Variants in POLD3 observed in about 807,000 individuals in gnomAD.
The protein encoded by POLD3 is DNA polymerase delta 3, accessory subunit.
In POLD3, 19 loss-of-function variants were observed where a neutral mutation model predicts 58.2. That is an observed-to-expected ratio of 0.33 (90% CI 0.23 to 0.48). The LOEUF is 0.48. POLD3 is among the 20% of genes least tolerant of loss of function. The probability of loss-of-function intolerance (pLI) is 0.99; values close to 1 mark genes in which losing one functional copy is unlikely to be tolerated. For missense variants in POLD3, 504 were observed against 545.5 expected (o/e 0.92, Z 0.76); for synonymous variants, 172 against 193.5 (o/e 0.89, Z 0.92).
Position 74,634,568 on chromosome 11 carries a change from G to C in POLD3, c.1007-15G>C, listed in dbSNP as rs371669281. ...GCTTGTAGTTCTCTGATCTAAGTCC[G>C]TTTCATTATTTCAGTCTTTCCAGAC... On this transcript the variant is annotated splice_polypyrimidine_tract_variant and intron_variant, in intron 9 of 11. Transcript: ENST00000263681. The C allele has an allele frequency of 5.8e-6, 8 of 1,388,544 alleles. No homozygotes were observed. Among genetic ancestry groups the C allele is most frequent in the Non-Finnish European group, 8.2e-6 (8 of 974,614 alleles). 86.0% of individuals were successfully genotyped at this position (1,388,544 alleles called of 1,614,324 possible). A position where few individuals can be genotyped will look rare whatever the true frequency, so the allele number is the denominator to read the frequency against.
At chr11:74,665,158 A>G (rs1285775486) in intron 4 of POLD3, among the ~76,000 whole-genome samples, 2 of 149,964 alleles carry the variant, frequency 1.3e-5, no homozygotes, top group Non-Finnish European at 3.0e-5. Flanking sequence ...ATAAATAAAT[A>G]AAAATAAAAA....
At chr11:74,607,123 A>C (rs184086542) in intron 3 of POLD3, among the ~76,000 whole-genome samples, 17 of 152,134 alleles carry the variant, frequency 1.1e-4, no homozygotes, top group African/African-American at 4.1e-4. Flanking sequence ...ATTATTAAGC[A>C]ATATGATCAG....
intron 11 of POLD3, among the ~76,000 whole-genome samples, chr11:74,636,795 C>T (rs1374486907): frequency 6.6e-6 from 1 of 152,048 alleles, no homozygotes; most frequent in African/African-American, 2.4e-5. Flanking sequence ...TATGACTCAT[C>T]GAGATTGCTT....
At chr11:74,644,524 A>G (rs1591324156), downstream of POLD3, among the ~76,000 whole-genome samples, 1 of 152,218 alleles carries the variant, frequency 6.6e-6, no homozygotes, top group Non-Finnish European at 1.5e-5. Context: ...TCCCTGCTGC[A>G]TGACACTTTT....
intron 2 of POLD3, 151 bp from the exon 3 acceptor site, chr11:74,604,541 T>C: frequency 1.7e-6 from 1 of 587,782 alleles, no homozygotes; most frequent in South Asian, 2.1e-5. Context: ...CTTTTTTTTT[T>C]TCAACTGTCC....
At chr11:74,636,142 T>C in intron 10 of POLD3, 55 bp from the exon 11 acceptor site, 1 of 1,520,356 alleles carries the variant, frequency 6.6e-7, no homozygotes, top group South Asian at 1.2e-5. Context: ...GCTTTTGTTA[T>C]TTTTCTGTAT....
At chr11:74,607,528 A>AG (rs1391300517) in intron 3 of POLD3, among the ~76,000 whole-genome samples, 1 of 151,710 alleles carries the variant, frequency 6.6e-6, no homozygotes, top group Non-Finnish European at 1.5e-5. Flanking sequence ...GGCCTCCCAA[A>AG]GTGCTAGGAT....
rs1202426924 is a variant in POLD3, at chr11:74,665,391, A to ATTTTTTTTT, written c.370-3371_370-3363dup. On this transcript the variant is annotated intron_variant, in intron 4 of 4. Transcript: ENST00000524752. Reference sequence around the variant, plus strand: ...TGACAAAATCTAGCACCCTTTTATAATTTTTTTTTTTTTTTTTTTTTTTGA... The same window carrying ATTTTTTTTT: ...TGACAAAATCTAGCACCCTTTTATAATTTTTTTTTTTTTTTTTTTTTTTTTTTTTTTTGA... Among the ~76,000 whole-genome samples, 290 of 83,314 alleles carry ATTTTTTTTT rather than the reference A, an allele frequency of 3.5e-3. 11 individuals are homozygous for ATTTTTTTTT. The highest frequency in any genetic ancestry group is 0.014 in the African/African-American group (277 of 19,966). 54.7% of individuals were successfully genotyped at this position (83,314 alleles called of 152,430 possible).
rs1384672062 is a variant in POLD3 at position 74,592,620 on chromosome 11, G to T, written c.-39G>T. 1.9e-6 allele frequency: 3 copies of T among 1,611,554 alleles called. No individual in the cohort carries two copies. The South Asian group carries it at 3.3e-5, about 18-fold the overall frequency. On this transcript the variant is annotated 5_prime_UTR_variant, in exon 1 of 12. Coordinates refer to ENST00000263681, the MANE Select transcript of POLD3 (RefSeq NM_006591.3). ...GCCGGCGGGAGCTGTGGCTGTGATTGAGAGAGGGGTTAGAGGCGGGTCCCA... is the reference window on the plus strand; with the variant it reads ...GCCGGCGGGAGCTGTGGCTGTGATTTAGAGAGGGGTTAGAGGCGGGTCCCA...
Position 74,620,105 on chromosome 11 carries a change from C to A in POLD3, c.733+16C>A. 4 of 1,564,070 alleles carry A rather than the reference C, an allele frequency of 2.6e-6. No individual in the cohort carries two copies. Among genetic ancestry groups the A allele is most frequent in the Non-Finnish European group, 3.5e-6 (4 of 1,134,520 alleles). The stretch of plus-strand genomic sequence containing the variant: ...GCTGCTATGAGTAAGCATGTTCTTA[C>A]CTCACTTTGACTAACGAATGAATGT... On this transcript the variant is annotated intron_variant, in intron 7 of 11. Coordinates refer to ENST00000263681, the MANE Select transcript of POLD3 (RefSeq NM_006591.3).
chr11:74,647,582 T>C (rs1452047687), downstream of POLD3, among the ~76,000 whole-genome samples: 4 of 152,134 alleles, frequency 2.6e-5, no homozygotes, highest in African/African-American at 9.7e-5. Context: ...GAAGAATATA[T>C]TGGTGCACTT....
chr11:74,622,102 T>C (rs2032282108), intron 7 of POLD3, among the ~76,000 whole-genome samples: 1 of 147,248 alleles, frequency 6.8e-6, no homozygotes. Flanking sequence ...TTCCCACCTA[T>C]GAGTGAGAAT....
chr11:74,642,482 T>A lies in POLD3; in HGVS notation c.*1716T>A. On this transcript the variant is annotated 3_prime_UTR_variant, in exon 12 of 12. Coordinates refer to ENST00000263681, the MANE Select transcript of POLD3 (RefSeq NM_006591.3). ...TAAAAGAAAAGCAACAATCCAATCT[T>A]TTTTCTAAAAATTATGCTGGGGTCT... 3.0e-6 allele frequency: 3 copies of A among 985,220 alleles called. No individual in the cohort carries two copies. The highest frequency in any genetic ancestry group is 3.6e-6 in the Non-Finnish European group (3 of 829,780). The allele number at this position is 985,220 out of a possible 1,614,324, so 61.0% of individuals were successfully genotyped here.
chr11:74,605,003 C>T (rs1194333607), intron 3 of POLD3, among the ~76,000 whole-genome samples: 1 of 152,162 alleles, frequency 6.6e-6, no homozygotes. Flanking sequence ...GAGACTGTAT[C>T]ATTATTATGC....
chr11:74,630,496 T>G (rs1369348999), intron 9 of POLD3, among the ~76,000 whole-genome samples: 2 of 152,238 alleles, frequency 1.3e-5, no homozygotes, highest in Non-Finnish European at 2.9e-5. Context: ...GCCTGTGATA[T>G]CCTGTGAGAG....
At chr11:74,634,799 C>T (rs949547356) in intron 10 of POLD3, 104 bp downstream of exon 10, 1 of 695,764 alleles carries the variant, frequency 1.4e-6, no homozygotes, top group African/African-American at 1.7e-5. Context: ...TTCACAAATG[C>T]CAGTAGATGG....
intron 1 of POLD3, 125 bp downstream of exon 1, chr11:74,592,843 G>C: frequency 6.6e-7 from 1 of 1,515,320 alleles, no homozygotes; most frequent in Non-Finnish European, 8.8e-7. Flanking sequence ...AGGTCCCCAC[G>C]AGGGGACCTG....
chr11:74,607,403 C>T lies in POLD3; in HGVS notation c.219+2609C>T, dbSNP rs549111252. 2.6e-3 allele frequency among the ~76,000 whole-genome samples: 396 copies of T among 150,286 alleles called. 1 individual carries two copies. Among genetic ancestry groups the T allele is most frequent in the South Asian group, 7.5e-3 (36 of 4,802 alleles). ...TCAGCCTCCTGAGTAGCTGGGACTA[C>T]AGGCGCCCGCCACCACGCCCGGCTA... is the stretch of plus-strand genomic sequence containing the variant. On this transcript the variant is annotated intron_variant, in intron 3 of 11. Coordinates refer to ENST00000263681, the MANE Select transcript of POLD3 (RefSeq NM_006591.3).
intron 7 of POLD3, among the ~76,000 whole-genome samples, chr11:74,624,495 A>G (rs1477337003): frequency 1.3e-5 from 2 of 152,198 alleles, no homozygotes; most frequent in Non-Finnish European, 2.9e-5. Flanking sequence ...TTTTTTCTAC[A>G]CTGTAGATGG....
Sources: gnomAD v4.1 joint callset for allele counts (sites outside exome capture counted in the v4.1 genomes callset) on GRCh38, gnomAD v4.1.1 for gene constraint, MANE v1.5 for transcripts, NCBI Gene and HGNC (gene_info 2026-07-23, HGNC 2026-07-21) for gene names.